PCDHGB6: variants seen among roughly 807,000 people sequenced by gnomAD.
PCDHGB6 encodes the protein protocadherin gamma subfamily B, 6.
In PCDHGB6, 51 loss-of-function variants were observed where a neutral mutation model predicts 59.1. The ratio of observed to expected loss-of-function variants is 0.86; its 90% CI spans 0.69 to 1.09. The LOEUF (loss-of-function observed/expected upper bound fraction) is 1.09. Among genes scored for constraint, PCDHGB6 ranks in the 50% least tolerant of loss-of-function variants. The pLI is 0.00. For missense variants in PCDHGB6, 1,148 were observed against 1,205.1 expected (o/e 0.95, Z 0.70); for synonymous variants, 466 against 495.1 (o/e 0.94, Z 0.78).
intron 1 of PCDHGB6, chr5:141,424,706 T>G (rs752721357): frequency 4.6e-5 from 7 of 152,190 alleles, no homozygotes; most frequent in Non-Finnish European, 8.8e-5. Context: ...TTTGTTCATT[T>G]TCAGTGTAGT....
At chr5:141,498,089 A>G (rs1402239680) in intron 2 of PCDHGB6, among the ~76,000 whole-genome samples, 3 of 152,370 alleles carry the variant, frequency 2.0e-5, no homozygotes, top group South Asian at 2.1e-4. Context: ...GTAGAATTGT[A>G]TCTGGTGGTG....
chr5:141,429,955 A>G (rs971940539), intron 1 of PCDHGB6, among the ~76,000 whole-genome samples: 1 of 152,202 alleles, frequency 6.6e-6, no homozygotes, highest in Non-Finnish European at 1.5e-5. Context: ...TTTCCAGTCA[A>G]TGCAAGTTGG....
intron 1 of PCDHGB6, chr5:141,414,540 C>A (rs1158346953): frequency 1.2e-5 from 19 of 1,613,948 alleles, no homozygotes; most frequent in Non-Finnish European, 1.5e-5. Context: ...ACCCACCTAC[C>A]TTCTCTCAAG....
Position 141,477,865 on chromosome 5 carries a change from T to A in PCDHGB6, c.2419-16942T>A, listed in dbSNP as rs1380570615. On this transcript the variant is annotated intron_variant, in intron 1 of 3. Transcript: ENST00000520790. This position sits in a 1 kb window ranked among gnomAD's most constrained non-coding sequence, Gnocchi z 4.9. ...GCTCGGTGGAGATGCTGCCTCGAGG[T>A]ACCTCAGCTGGCCACCTAGTGTCAC... 6.2e-7 allele frequency: 1 copy of A among 1,612,698 alleles called. No individual in the cohort carries two copies. Among genetic ancestry groups the A allele is most frequent in the Non-Finnish European group, 8.5e-7 (1 of 1,179,562 alleles).
chr5:141,427,638 C>A, intron 1 of PCDHGB6: 1 of 708,528 alleles, frequency 1.4e-6, no homozygotes, highest in East Asian at 2.7e-5. Context: ...GGTTTTCCAC[C>A]AAGTCTCCTA....
intron 1 of PCDHGB6, among the ~76,000 whole-genome samples, chr5:141,466,800 C>T (rs189985735): frequency 6.6e-6 from 1 of 152,240 alleles, no homozygotes; most frequent in East Asian, 1.9e-4. Context: ...AAACTAGATC[C>T]TATTCAGACA....
At chr5:141,420,223 G>A in intron 1 of PCDHGB6, 2 of 1,604,640 alleles carry the variant, frequency 1.2e-6, no homozygotes, top group Non-Finnish European at 1.7e-6. Context: ...GCATGCTACT[G>A]GCTAGCATTT....
rs2099404773 is a variant in PCDHGB6 at position 141,477,081 on chromosome 5, T to C, written c.2419-17726T>C. ...GACACCAAACTCCATGAGATTTACA[T>C]CCAGGCCAAAGACAAGGGCGCCAAT... On this transcript the variant is annotated intron_variant, in intron 1 of 3. Transcript: ENST00000520790. The surrounding 1 kb of genome is among the most constrained non-coding windows in gnomAD (Gnocchi z 4.9). 6.2e-7 allele frequency: 1 copy of C among 1,614,104 alleles called. No individual in the cohort carries two copies. Among genetic ancestry groups the C allele is most frequent in the Non-Finnish European group, 8.5e-7 (1 of 1,180,052 alleles).
Position 141,432,972 on chromosome 5 carries a change from C to T in PCDHGB6, c.2418+22352C>T. 1 of 1,614,218 alleles carries T rather than the reference C, an allele frequency of 6.2e-7. No homozygotes were observed. Among genetic ancestry groups the T allele is most frequent in the African/African-American group, 1.3e-5 (1 of 75,058 alleles). ...GGCGGCTTGACAGGAGCGCCGGCGT[C>T]GCACTTTGTGGGCGTGGACGGGGTG... On this transcript the variant is annotated intron_variant, in intron 1 of 3. Coordinates refer to ENST00000520790, the MANE Select transcript of PCDHGB6 (RefSeq NM_018926.3). This position sits in a 1 kb window ranked among gnomAD's most constrained non-coding sequence, Gnocchi z 6.0.
rs113648128 is a variant in PCDHGB6, at chr5:141,491,811, C to T, written c.2419-2996C>T. ...CACTCCTCTCCGGCCGGCTTGGTCG[C>T]TGGCTGCGCTCCACCCGATTCTCGG... On this transcript the variant is annotated intron_variant, in intron 1 of 3. Transcript: ENST00000520790. The surrounding 1 kb of genome is among the most constrained non-coding windows in gnomAD (Gnocchi z 6.9). 6.7e-7 allele frequency: 1 copy of T among 1,487,262 alleles called. No homozygotes were observed. The highest frequency in any genetic ancestry group is 1.4e-5 in the African/African-American group (1 of 70,544). 92.1% of individuals were successfully genotyped at this position (1,487,262 alleles called of 1,614,324 possible).
In PCDHGB6 at chr5:141,408,882, ACATAGAAATTTCTGTCAAG is replaced by A. The variant is rs745313321; in HGVS notation, c.681_699del (p.His227GlnfsTer32). The A allele has an allele frequency of 3.1e-5, 50 of 1,613,286 alleles. No homozygotes were observed. Among genetic ancestry groups the A allele is most frequent in the Non-Finnish European group, 4.1e-5 (48 of 1,179,744 alleles). On this transcript the variant is annotated frameshift_variant, in exon 1 of 4. Transcript: ENST00000520790. LOFTEE classifies it high-confidence loss of function. The stretch of plus-strand genomic sequence containing the variant: ...GACCCACCAAGAAGTGCCACCGCTC[ACATAGAAATTTCTGTCAAG>A]GATACCAATGATAACCCCCCGGTTT...
rs2154555227 is a variant in PCDHGB6, at chr5:141,432,737, C to G, written c.2418+22117C>G. ...GCCCCCTCTCTCCGCCACTGTCACG[C>G]TCACCGTGGCCGTGGCCGACAGCAT... On this transcript the variant is annotated intron_variant, in intron 1 of 3. Coordinates refer to ENST00000520790, the MANE Select transcript of PCDHGB6 (RefSeq NM_018926.3). This position sits in a 1 kb window ranked among gnomAD's most constrained non-coding sequence, Gnocchi z 6.0. 6.2e-7 allele frequency: 1 copy of G among 1,614,110 alleles called. No homozygotes were observed. The highest frequency in any genetic ancestry group is 8.5e-7 in the Non-Finnish European group (1 of 1,180,002).
chr5:141,489,793 C>G lies in PCDHGB6; in HGVS notation c.2419-5014C>G. On this transcript the variant is annotated intron_variant, in intron 1 of 3. Transcript: ENST00000520790. This position sits in a 1 kb window ranked among gnomAD's most constrained non-coding sequence, Gnocchi z 4.5. ...CCACTTCTCTCTGAATGTGAAGACC[C>G]TAAAAGATGGGAAGCCATTCCCAGA... 1 of 1,614,160 alleles carries G rather than the reference C, an allele frequency of 6.2e-7. No individual in the cohort carries two copies. The highest frequency in any genetic ancestry group is 1.1e-5 in the South Asian group (1 of 91,078).
chr5:141,432,635 G>C lies in PCDHGB6; in HGVS notation c.2418+22015G>C, dbSNP rs754354737. On this transcript the variant is annotated intron_variant, in intron 1 of 3. Transcript: ENST00000520790. The surrounding 1 kb of genome is among the most constrained non-coding windows in gnomAD (Gnocchi z 6.0). ...CTCGGTGGGTCTGCACACGGGCGAG[G>C]TGCGCACGGCGCGAGCCCTGCTGGA... The C allele has an allele frequency of 5.6e-6, 9 of 1,612,886 alleles. No individual in the cohort carries two copies. Among genetic ancestry groups the C allele is most frequent in the Non-Finnish European group, 7.6e-6 (9 of 1,179,742 alleles).
chr5:141,431,968 T>G lies in PCDHGB6; in HGVS notation c.2418+21348T>G, dbSNP rs571981127. 6.2e-7 allele frequency: 1 copy of G among 1,614,190 alleles called. No individual in the cohort carries two copies. Among genetic ancestry groups the G allele is most frequent in the Admixed American group, 1.7e-5 (1 of 60,024 alleles). On this transcript the variant is annotated intron_variant, in intron 1 of 3. Coordinates refer to ENST00000520790, the MANE Select transcript of PCDHGB6 (RefSeq NM_018926.3). The surrounding 1 kb of genome is among the most constrained non-coding windows in gnomAD (Gnocchi z 4.8). ...AAAAATCTTACGGAAATTACTATAGTTTAGTCACAGACATAGTCTTGGATA... is the reference window on the plus strand; with the variant it reads ...AAAAATCTTACGGAAATTACTATAGGTTAGTCACAGACATAGTCTTGGATA...
chr5:141,505,294 G>A, intron 2 of PCDHGB6, 99 bp from the exon 3 acceptor site: 1 of 1,572,086 alleles, frequency 6.4e-7, no homozygotes, highest in Non-Finnish European at 8.6e-7. Flanking sequence ...GCATGGGGTA[G>A]GGTTAGGGTA....
At chr5:141,437,529 C>T (rs1205365959) in intron 1 of PCDHGB6, among the ~76,000 whole-genome samples, 1 of 152,102 alleles carries the variant, frequency 6.6e-6, no homozygotes, top group African/African-American at 2.4e-5. Flanking sequence ...GACAAATGAG[C>T]AAATTGTATC....
Position 141,490,225 on chromosome 5 carries a change from G to A in PCDHGB6, c.2419-4582G>A, listed in dbSNP as rs2099697468. On this transcript the variant is annotated intron_variant, in intron 1 of 3. Coordinates refer to ENST00000520790, the MANE Select transcript of PCDHGB6 (RefSeq NM_018926.3). This position sits in a 1 kb window ranked among gnomAD's most constrained non-coding sequence, Gnocchi z 5.4. The stretch of plus-strand genomic sequence containing the variant: ...AAGAGCCCGTGACCAGGGACAGCCT[G>A]CCATGGAGGGCCACTGTGTGATTCA... The A allele has an allele frequency of 6.2e-7, 1 of 1,614,112 alleles. No homozygotes were observed. The highest frequency in any genetic ancestry group is 1.1e-5 in the South Asian group (1 of 91,090).
chr5:141,486,671 C>T lies in PCDHGB6; in HGVS notation c.2419-8136C>T, dbSNP rs1307620045. The T allele has an allele frequency of 1.9e-6, 3 of 1,613,926 alleles. No homozygotes were observed. Among genetic ancestry groups the T allele is most frequent in the South Asian group, 1.1e-5 (1 of 91,078 alleles). On this transcript the variant is annotated intron_variant, in intron 1 of 3. Coordinates refer to ENST00000520790, the MANE Select transcript of PCDHGB6 (RefSeq NM_018926.3). This position sits in a 1 kb window ranked among gnomAD's most constrained non-coding sequence, Gnocchi z 5.0. Reference sequence around the variant, plus strand: ...CTACTCACTCCTGGAGCCCAGGAATCGAGATGTATCAGCTTCCTCTTTCAT... The same window carrying T: ...CTACTCACTCCTGGAGCCCAGGAATTGAGATGTATCAGCTTCCTCTTTCAT...
Sources: gnomAD v4.1 joint callset for allele counts (sites outside exome capture counted in the v4.1 genomes callset) on GRCh38, gnomAD v4.1.1 for gene constraint, Gnocchi (gnomAD v3.1) non-coding constraint, MANE v1.5 for transcripts, NCBI Gene and HGNC (gene_info 2026-07-23, HGNC 2026-07-21) for gene names.